Variants in UCK2 observed in about 807,000 individuals in gnomAD.
UCK2 encodes uridine-cytidine kinase 2.
Under a neutral mutation model 30.8 loss-of-function variants are expected in UCK2, and 6 were observed. That is an observed-to-expected ratio of 0.19 (90% CI 0.11 to 0.38). The LOEUF (loss-of-function observed/expected upper bound fraction) is 0.38. Ranked by LOEUF, UCK2 falls within the 10% of genes least tolerant of loss-of-function variation. The pLI, the probability that UCK2 is intolerant of heterozygous loss-of-function variation, is 1.00. For missense variants in UCK2, 210 were observed against 339.8 expected, an observed-to-expected ratio of 0.62 and a Z score of 3.00; for synonymous variants, 125 against 133.6, an observed-to-expected ratio of 0.94 and a Z score of 0.45.
chr1:165,898,515 C>T (rs1571299189), intron 4 of UCK2, among the ~76,000 whole-genome samples: 1 of 152,310 alleles, frequency 6.6e-6, no homozygotes. Flanking sequence ...GTCATGTCCT[C>T]AGGAGCTAGT....
intron 1 of UCK2, among the ~76,000 whole-genome samples, chr1:165,841,652 G>A (rs1428604150): frequency 6.6e-6 from 1 of 152,216 alleles, no homozygotes; most frequent in Non-Finnish European, 1.5e-5. Flanking sequence ...TGGGAACACA[G>A]CAGTGCATTA....
At position 165,879,933 on chromosome 1, in the gene UCK2, G is replaced by A. The variant is rs550054326; in HGVS notation, c.100-10271G>A. ...TTCCTTCCCCTGTTGCTCTGTATTT[G>A]GGCATTAGATGTGGGTGCTGGAGGA... On this transcript the variant is annotated intron_variant, in intron 1 of 6. Transcript: ENST00000367879. Among the ~76,000 whole-genome samples, 7 of 152,274 alleles carry A rather than the reference G, an allele frequency of 4.6e-5. No homozygotes were observed. In the East Asian group the frequency reaches 1.3e-3, roughly 29 times the overall value.
chr1:165,889,782 C>T (rs1008702092), intron 1 of UCK2, among the ~76,000 whole-genome samples: 23 of 146,596 alleles, frequency 1.6e-4, no homozygotes, highest in Non-Finnish European at 5.9e-5. Context: ...CAGATTATTT[C>T]ATCACCCAGG....
chr1:165,851,347 A>G (rs1287486319), intron 1 of UCK2, among the ~76,000 whole-genome samples: 3 of 151,908 alleles, frequency 2.0e-5, no homozygotes, highest in African/African-American at 7.3e-5. Context: ...TCTTTTGAAC[A>G]TTTATTTGGA....
At chr1:165,904,463 G>T (rs1318030789) in intron 5 of UCK2, among the ~76,000 whole-genome samples, 1 of 152,278 alleles carries the variant, frequency 6.6e-6, no homozygotes, top group Admixed American at 6.5e-5. Context: ...ATCTATCTGA[G>T]GACCTCTCCT....
At chr1:165,837,813 T>G (rs1427777831) in intron 1 of UCK2, among the ~76,000 whole-genome samples, 1 of 152,222 alleles carries the variant, frequency 6.6e-6, no homozygotes, top group African/African-American at 2.4e-5. Context: ...CATAGGAATC[T>G]CAACATTTCC....
chr1:165,889,729 G>T (rs1655716950), intron 1 of UCK2, among the ~76,000 whole-genome samples: 1 of 150,688 alleles, frequency 6.6e-6, no homozygotes, highest in East Asian at 1.9e-4. Flanking sequence ...TAAGTTCAGG[G>T]GTTTGTTACA....
chr1:165,882,161 G>A (rs1002684590), intron 1 of UCK2, among the ~76,000 whole-genome samples: 11 of 152,170 alleles, frequency 7.2e-5, no homozygotes, highest in Non-Finnish European at 1.5e-5. Context: ...TCTGGAGGTC[G>A]GCAGGTGACA....
chr1:165,885,530 A>T (rs919999805), intron 1 of UCK2, among the ~76,000 whole-genome samples: 1 of 152,178 alleles, frequency 6.6e-6, no homozygotes, highest in African/African-American at 2.4e-5. Context: ...CCCGACTCCA[A>T]TTTCAGTAAT....
chr1:165,877,400 G>A (rs1315377101), intron 1 of UCK2, among the ~76,000 whole-genome samples: 1 of 152,072 alleles, frequency 6.6e-6, no homozygotes, highest in African/African-American at 2.4e-5. Context: ...CACTTCCATC[G>A]CTACTGCTGT....
At chr1:165,840,435 C>T (rs750373730) in intron 1 of UCK2, among the ~76,000 whole-genome samples, 25 of 152,190 alleles carry the variant, frequency 1.6e-4, no homozygotes, top group Admixed American at 2.0e-4. Context: ...GTATACAATA[C>T]ATTGCCATTG....
intron 1 of UCK2, among the ~76,000 whole-genome samples, chr1:165,875,516 G>A (rs140098713): frequency 5.3e-4 from 80 of 152,218 alleles, no homozygotes; most frequent in Admixed American, 3.3e-3. Flanking sequence ...CCTGGAGATA[G>A]TGTCAAATCC....
intron 1 of UCK2, among the ~76,000 whole-genome samples, chr1:165,860,017 G>A (rs955625444): frequency 7.2e-5 from 11 of 152,290 alleles, no homozygotes; most frequent in East Asian, 1.9e-4. Context: ...TGCTGTTTGC[G>A]TCAGGGCTCA....
At chr1:165,869,656 G>A (rs894111058) in intron 1 of UCK2, among the ~76,000 whole-genome samples, 125 of 116,946 alleles carry the variant, frequency 1.1e-3, no homozygotes, top group African/African-American at 3.7e-3. Context: ...TCTCATCATG[G>A]GCCTTTTTTT....
chr1:165,864,293 G>A (rs766123233), intron 1 of UCK2, among the ~76,000 whole-genome samples: 1 of 152,200 alleles, frequency 6.6e-6, no homozygotes, highest in Non-Finnish European at 1.5e-5. Flanking sequence ...ACTCCACCAG[G>A]TCCTAGGTCT....
intron 1 of UCK2, among the ~76,000 whole-genome samples, chr1:165,829,808 G>T (rs1289178234): frequency 6.6e-6 from 1 of 152,118 alleles, no homozygotes; most frequent in African/African-American, 2.4e-5. Context: ...CTCAAGAAAG[G>T]AAGGGTCCGT....
chr1:165,907,241 T>A (rs1432485867), intron 6 of UCK2, among the ~76,000 whole-genome samples: 2 of 152,186 alleles, frequency 1.3e-5, no homozygotes, highest in African/African-American at 4.8e-5. Flanking sequence ...GCTCTCTGCA[T>A]TATATTTTTT....
chr1:165,831,084 G>C (rs1314802136), intron 1 of UCK2, among the ~76,000 whole-genome samples: 1 of 151,936 alleles, frequency 6.6e-6, no homozygotes, highest in Admixed American at 6.6e-5. Context: ...CTCCAGCCTG[G>C]GTGACAGAGC....
intron 1 of UCK2, among the ~76,000 whole-genome samples, chr1:165,843,873 AT>A (rs1654385638): frequency 6.6e-6 from 1 of 152,058 alleles, no homozygotes; most frequent in African/African-American, 2.4e-5. Flanking sequence ...CCACTGCCTT[AT>A]TTTTTTCTTA....
Sources: gnomAD v4.1 joint callset for allele counts (sites outside exome capture counted in the v4.1 genomes callset) on GRCh38, gnomAD v4.1.1 for gene constraint, MANE v1.5 for transcripts, NCBI Gene and HGNC (gene_info 2026-07-23, HGNC 2026-07-21) for gene names.